CNTN6: variants seen among roughly 807,000 people sequenced by gnomAD.
The protein encoded by CNTN6 is contactin 6.
A neutral mutation model predicts 122.8 loss-of-function variants in CNTN6; 137 were observed. The observed-to-expected ratio is 1.12, with a 90% CI of 0.97 to 1.29. CNTN6 has a LOEUF of 1.29. Among genes scored for constraint, CNTN6 ranks in the 50% most tolerant of loss-of-function variants. CNTN6 has a pLI of 0.00. For synonymous variants in CNTN6, 570 were observed against 426.0 expected (o/e 1.34, Z -4.16); for missense variants, 1,634 against 1,223.4 (o/e 1.34, Z -5.01).
At chr3:1,094,397 G>A (rs1299640761) in intron 1 of CNTN6, among the ~76,000 whole-genome samples, 2 of 152,012 alleles carry the variant, frequency 1.3e-5, no homozygotes, top group Non-Finnish European at 2.9e-5. Context: ...TGTTTCAGTG[G>A]GGTTTCTTTT....
intron 4 of CNTN6, among the ~76,000 whole-genome samples, chr3:1,265,931 A>G (rs1008996463): frequency 1.3e-5 from 2 of 152,118 alleles, no homozygotes; most frequent in African/African-American, 2.4e-5. Flanking sequence ...AAACATATTT[A>G]TTACCACTGT....
chr3:1,154,562 G>C (rs1575043858), intron 2 of CNTN6, among the ~76,000 whole-genome samples: 1 of 151,574 alleles, frequency 6.6e-6, no homozygotes, highest in East Asian at 2.0e-4. Context: ...TCCTGCCTCA[G>C]CCTCCCAAGT....
At chr3:1,184,030 G>C (rs1271934712) in intron 2 of CNTN6, among the ~76,000 whole-genome samples, 2 of 152,202 alleles carry the variant, frequency 1.3e-5, no homozygotes, top group Non-Finnish European at 2.9e-5. Flanking sequence ...TTCCTACACA[G>C]ATGCTTGCTT....
intron 2 of CNTN6, among the ~76,000 whole-genome samples, chr3:1,176,117 G>A (rs758656407): frequency 3.5e-4 from 54 of 152,154 alleles, no homozygotes; most frequent in Non-Finnish European, 5.4e-4. Context: ...AAAGGAGTCA[G>A]AGTTGTGATG....
chr3:1,253,897 C>G (rs758331292), intron 4 of CNTN6, among the ~76,000 whole-genome samples: 30 of 152,120 alleles, frequency 2.0e-4, no homozygotes, highest in Non-Finnish European at 1.9e-4. Flanking sequence ...CTCTCTTTAT[C>G]CAAAACAACC....
intron 2 of CNTN6, among the ~76,000 whole-genome samples, chr3:1,188,109 A>G (rs1278729837): frequency 1.3e-5 from 2 of 152,202 alleles, no homozygotes; most frequent in African/African-American, 2.4e-5. Context: ...TAATGACCCA[A>G]TGATGCAAGC....
intron 2 of CNTN6, among the ~76,000 whole-genome samples, chr3:1,161,414 T>A (rs936753432): frequency 5.3e-5 from 8 of 151,190 alleles, no homozygotes; most frequent in Non-Finnish European, 1.5e-5. Flanking sequence ...AAGCCTTCTA[T>A]GAAAATCAAT....
intron 8 of CNTN6, 140 bp from the exon 9 acceptor site, chr3:1,325,675 C>T (rs1045145602): frequency 2.9e-6 from 2 of 688,764 alleles, no homozygotes; most frequent in East Asian, 2.9e-5. Flanking sequence ...CCTGCATGTC[C>T]CCTCCCTCAA....
At chr3:1,244,039 G>A (rs1173644213) in intron 4 of CNTN6, among the ~76,000 whole-genome samples, 2 of 152,192 alleles carry the variant, frequency 1.3e-5, no homozygotes, top group South Asian at 2.1e-4. Flanking sequence ...CCCATTTTTC[G>A]ACAAAAATTA....
At chr3:1,169,500 C>A (rs1473185965) in intron 2 of CNTN6, among the ~76,000 whole-genome samples, 2 of 152,162 alleles carry the variant, frequency 1.3e-5, no homozygotes, top group African/African-American at 4.8e-5. Context: ...GAGAATTATT[C>A]ATCTTTCTTC....
chr3:1,397,125 T>C (rs1337248521), intron 20 of CNTN6, among the ~76,000 whole-genome samples: 2 of 152,196 alleles, frequency 1.3e-5, no homozygotes, highest in Non-Finnish European at 2.9e-5. Context: ...GAGCCATGCC[T>C]AGAGTTAGAT....
At chr3:1,288,815 A>T (rs187622522) in intron 5 of CNTN6, among the ~76,000 whole-genome samples, 1 of 152,236 alleles carries the variant, frequency 6.6e-6, no homozygotes, top group Admixed American at 6.5e-5. Context: ...GCTGTAAAAG[A>T]TGTCAAAACA....
chr3:1,402,482 G>A lies in CNTN6; in HGVS notation c.2982G>A (p.Met994Ile). 1 of 1,606,414 alleles carries A rather than the reference G, an allele frequency of 6.2e-7. No homozygotes were observed. ...SSSEEIRIPK[M>I]SSLSSRGIQF... The stretch of plus-strand genomic sequence containing the variant: ...GTGAGGAAATTAGGATTCCAAAAAT[G>A]TCAAGTAAGTTGAGTCACCATTGCT... Residue 994 changes from methionine to isoleucine, a missense_variant, in exon 22 of 23, where the codon ATG (methionine) becomes ATA (isoleucine). By Grantham distance (10) the Met-to-Ile change is conservative. Transcript: ENST00000446702.
chr3:1,312,322 A>G (rs1412539763), intron 7 of CNTN6, among the ~76,000 whole-genome samples: 1 of 151,786 alleles, frequency 6.6e-6, no homozygotes, highest in Non-Finnish European at 1.5e-5. Context: ...CAAGAAGAAT[A>G]TATATATATG....
chr3:1,156,805 C>G (rs948187393), intron 2 of CNTN6, among the ~76,000 whole-genome samples: 3 of 151,808 alleles, frequency 2.0e-5, no homozygotes, highest in African/African-American at 7.3e-5. Context: ...GCTGGCTTGA[C>G]CTCCTAGGCT....
At chr3:1,137,320 G>T (rs747007780) in intron 1 of CNTN6, among the ~76,000 whole-genome samples, 9 of 152,192 alleles carry the variant, frequency 5.9e-5, no homozygotes, top group Non-Finnish European at 1.2e-4. Flanking sequence ...TACTTTTACC[G>T]CATGGAAATA....
chr3:1,345,970 C>T (rs1222627814), intron 11 of CNTN6, among the ~76,000 whole-genome samples: 1 of 151,638 alleles, frequency 6.6e-6, no homozygotes, highest in Admixed American at 6.6e-5. Flanking sequence ...ATTATAATTG[C>T]CCGATGACCT....
At chr3:1,353,610 T>C (rs764634153) in intron 12 of CNTN6, among the ~76,000 whole-genome samples, 11 of 151,638 alleles carry the variant, frequency 7.3e-5, no homozygotes, top group Non-Finnish European at 1.5e-4. Context: ...ATGGCTATAT[T>C]TAGGAACAGA....
intron 4 of CNTN6, among the ~76,000 whole-genome samples, chr3:1,239,755 G>A (rs1359642541): frequency 1.3e-5 from 2 of 152,104 alleles, no homozygotes; most frequent in African/African-American, 4.8e-5. Flanking sequence ...GAGGCATCAC[G>A]TTACCTGACT....
Sources: allele counts gnomAD v4.1 joint callset (sites outside exome capture counted in the v4.1 genomes callset), GRCh38; gene constraint gnomAD v4.1.1; transcripts MANE v1.5; gene names NCBI Gene and HGNC (gene_info 2026-07-23, HGNC 2026-07-21).